The following ACTR10 variants were observed in gnomAD, a reference collection of about 807,000 sequenced individuals.
ACTR10 encodes the protein actin related protein 10.
Under a neutral mutation model 56.2 loss-of-function variants are expected in ACTR10, and 43 were observed. That is an observed-to-expected ratio of 0.77 (90% confidence interval 0.60 to 0.99). ACTR10 has a LOEUF of 0.99. Ranked by LOEUF, ACTR10 falls within the 50% of genes least tolerant of loss-of-function variation. The pLI, the probability that ACTR10 is intolerant of heterozygous loss-of-function variation, is 0.00. For missense variants in ACTR10, 466 were observed against 507.8 expected, an observed-to-expected ratio of 0.92 and a Z score of 0.79; for synonymous variants, 170 against 176.3, an observed-to-expected ratio of 0.96 and a Z score of 0.28.
chr14:58,218,096 G>T lies in ACTR10; in HGVS notation c.599-1598G>T, dbSNP rs144032701. Among the ~76,000 whole-genome samples, 114 of 152,180 alleles carry T rather than the reference G, an allele frequency of 7.5e-4. 1 individual carries two copies. In the East Asian group the frequency reaches 0.012, roughly 15 times the overall value. Reference sequence around the variant, plus strand: ...GCTAAATTAAACTCTTTATTTCCAGGCCTGCCTTACATTTGCCTAAAGAAA... The same window carrying T: ...GCTAAATTAAACTCTTTATTTCCAGTCCTGCCTTACATTTGCCTAAAGAAA... On this transcript the variant is annotated intron_variant, in intron 7 of 12. Transcript: ENST00000254286.
chr14:58,200,674 A>T (rs1162730226), intron 1 of ACTR10, among the ~76,000 whole-genome samples: 4 of 152,238 alleles, frequency 2.6e-5, no homozygotes, highest in African/African-American at 9.6e-5. Flanking sequence ...TCGATGACGA[A>T]TTTCATCATA....
intron 7 of ACTR10, among the ~76,000 whole-genome samples, chr14:58,215,623 G>A (rs756176310): frequency 2.6e-5 from 4 of 151,734 alleles, no homozygotes; most frequent in South Asian, 2.1e-4. Flanking sequence ...ACTTGTATTC[G>A]ACTAGGGATC....
At chr14:58,201,611 G>A (rs1888705082) in intron 1 of ACTR10, among the ~76,000 whole-genome samples, 1 of 152,116 alleles carries the variant, frequency 6.6e-6, no homozygotes, top group South Asian at 2.1e-4. Context: ...GACTAAACTA[G>A]TATGATGATC....
rs546750716 is a variant in ACTR10 at position 58,202,038 on chromosome 14, T to A, written c.78-817T>A. On this transcript the variant is annotated intron_variant, in intron 1 of 12. Transcript: ENST00000254286. ...AAAAAAAAAGTGATAGCAATGAAGA[T>A]TATGTTAATATGGGCAGAAGCTTAC... Among the ~76,000 whole-genome samples, 6 of 149,860 alleles carry A rather than the reference T, an allele frequency of 4.0e-5. No individual in the cohort carries two copies. The South Asian group carries it at 1.3e-3, about 31-fold the overall frequency.
At chr14:58,205,126 C>T (rs1178658496) in intron 2 of ACTR10, among the ~76,000 whole-genome samples, 1 of 151,566 alleles carries the variant, frequency 6.6e-6, no homozygotes, top group East Asian at 2.0e-4. Context: ...GAGGCTGAGG[C>T]AGGAGAATCA....
At chr14:58,223,153 T>C (rs543132664) in intron 8 of ACTR10, among the ~76,000 whole-genome samples, 170 of 152,278 alleles carry the variant, frequency 1.1e-3, no homozygotes, top group African/African-American at 3.7e-3. Context: ...TTTTTTTCTT[T>C]GAGATGGAGT....
At chr14:58,210,421 A>C (rs1357157093) in intron 4 of ACTR10, among the ~76,000 whole-genome samples, 2 of 152,140 alleles carry the variant, frequency 1.3e-5, no homozygotes, top group Non-Finnish European at 2.9e-5. Context: ...GCTTGAGCCC[A>C]GGAGGTCGAG....
intron 10 of ACTR10, among the ~76,000 whole-genome samples, chr14:58,224,064 G>A (rs369951629): frequency 6.6e-6 from 1 of 151,796 alleles, no homozygotes; most frequent in South Asian, 2.1e-4. Flanking sequence ...GCAGTGGCAC[G>A]ATCTCGGCTC....
At chr14:58,211,865 G>A (rs1317958167) in intron 5 of ACTR10, among the ~76,000 whole-genome samples, 3 of 151,840 alleles carry the variant, frequency 2.0e-5, no homozygotes, top group Admixed American at 1.3e-4. Context: ...GCGTGAACCC[G>A]GGAGGCGGAG....
At chr14:58,209,802 A>G (rs1442533563) in intron 4 of ACTR10, among the ~76,000 whole-genome samples, 1 of 152,202 alleles carries the variant, frequency 6.6e-6, no homozygotes, top group Non-Finnish European at 1.5e-5. Flanking sequence ...TCAGCAAGGG[A>G]AAATGTAAGA....
chr14:58,225,035 CTG>C (rs1054717089), intron 10 of ACTR10, among the ~76,000 whole-genome samples: 2 of 151,930 alleles, frequency 1.3e-5, no homozygotes, highest in Non-Finnish European at 2.9e-5. Context: ...CATATGGTCT[CTG>C]TTGCAACTAC....
chr14:58,221,353 G>C (rs916556694), intron 8 of ACTR10, among the ~76,000 whole-genome samples: 29 of 151,886 alleles, frequency 1.9e-4, no homozygotes, highest in Admixed American at 1.9e-3. Flanking sequence ...CAGCACTTTG[G>C]GAGGCCAAGG....
chr14:58,223,694 A>G lies in ACTR10; in HGVS notation c.707A>G (p.Asn236Ser), dbSNP rs1008077473. The G allele has an allele frequency of 1.7e-5, 27 of 1,611,528 alleles. No individual in the cohort carries two copies. The highest frequency in any genetic ancestry group is 2.0e-5 in the Non-Finnish European group (24 of 1,179,262). The change falls in exon 9 of 13, where the codon AAT (asparagine) becomes AGT (serine). Residue 236 changes from asparagine to serine, a missense_variant. By Grantham distance (46) the Asn-to-Ser change is conservative. Transcript: ENST00000254286. ...GCAGCAAAATTTAATATTGATGGGA[A>G]TAATGAGGTAAGTTTAAAAAAAAAA... ...IQAAKFNIDGNNERPSPPPNV... is the reference protein window; with the variant it reads ...IQAAKFNIDGSNERPSPPPNV...
chr14:58,223,495 T>G, intron 8 of ACTR10, 127 bp from the exon 9 acceptor site: 1 of 804,462 alleles, frequency 1.2e-6, no homozygotes. Flanking sequence ...GGAATAGAGT[T>G]TATAAAATCC....
intron 6 of ACTR10, among the ~76,000 whole-genome samples, chr14:58,214,593 C>T (rs960484458): frequency 1.1e-4 from 17 of 151,338 alleles, no homozygotes; most frequent in Non-Finnish European, 2.4e-4. Flanking sequence ...TGGTTTCAAG[C>T]GATTCTCCTA....
At chr14:58,205,732 G>A (rs139779567) in intron 2 of ACTR10, among the ~76,000 whole-genome samples, 11 of 152,234 alleles carry the variant, frequency 7.2e-5, no homozygotes, top group Admixed American at 1.3e-4. Flanking sequence ...GTTCAAAAAT[G>A]TGATGGAAGC....
At chr14:58,225,201 T>C (rs1170957528) in intron 10 of ACTR10, among the ~76,000 whole-genome samples, 1 of 152,196 alleles carries the variant, frequency 6.6e-6, no homozygotes, top group Non-Finnish European at 1.5e-5. Context: ...AACTTTTTGT[T>C]AGAAAGAATG....
At chr14:58,217,712 T>A (rs1215247322) in intron 7 of ACTR10, among the ~76,000 whole-genome samples, 2 of 151,988 alleles carry the variant, frequency 1.3e-5, no homozygotes, top group Non-Finnish European at 2.9e-5. Flanking sequence ...TTAAAATGTC[T>A]CTTTTCCAGG....
chr14:58,230,495 C>CA lies in ACTR10; in HGVS notation c.870+21dup. 7.1e-7 allele frequency: 1 copy of CA among 1,400,880 alleles called. No individual in the cohort carries two copies. Among genetic ancestry groups the CA allele is most frequent in the South Asian group, 1.5e-5 (1 of 65,160 alleles). 86.8% of individuals were successfully genotyped at this position (1,400,880 alleles called of 1,614,324 possible). A position where few individuals can be genotyped will look rare whatever the true frequency, so the allele number is the denominator to read the frequency against. Reference sequence around the variant, plus strand: ...CCCTTATACAGGTATTTTATCTTGTCAAAAAATTCCCTTTATTACCACAGT... The same window carrying CA: ...CCCTTATACAGGTATTTTATCTTGTCAAAAAAATTCCCTTTATTACCACAGT... On this transcript the variant is annotated intron_variant, in intron 11 of 12. Transcript: ENST00000254286.
Sources: gnomAD v4.1 joint callset for allele counts (sites outside exome capture counted in the v4.1 genomes callset) on GRCh38, gnomAD v4.1.1 for gene constraint, MANE v1.5 for transcripts, NCBI Gene and HGNC (gene_info 2026-07-23, HGNC 2026-07-21) for gene names.